Variants in RIMS2 observed in about 807,000 individuals in gnomAD.
RIMS2 encodes the protein regulating synaptic membrane exocytosis protein 2.
In RIMS2, 59 loss-of-function variants were observed where a neutral mutation model predicts 174.4. The observed-to-expected ratio is 0.34, with a 90% confidence interval of 0.27 to 0.42. The LOEUF is 0.42. RIMS2 is among the 10% of genes least tolerant of loss of function. The pLI, the probability that RIMS2 is intolerant of heterozygous loss-of-function variation, is 1.00. For synonymous variants in RIMS2, 606 were observed against 572.5 expected, an observed-to-expected ratio of 1.06 and a Z score of -0.84; for missense variants, 1,620 against 1,666.3, an observed-to-expected ratio of 0.97 and a Z score of 0.48.
chr8:103,993,929 TA>T (rs2094896933), intron 17 of RIMS2, among the ~76,000 whole-genome samples: 1 of 151,546 alleles, frequency 6.6e-6, no homozygotes, highest in South Asian at 2.1e-4. Context: ...ACCTTTTTTT[TA>T]TTCCAGCTAC....
intron 1 of RIMS2, among the ~76,000 whole-genome samples, chr8:103,675,719 C>G (rs2136495488): frequency 6.6e-6 from 1 of 151,716 alleles, no homozygotes; most frequent in East Asian, 1.9e-4. Flanking sequence ...TTTTTTTTAC[C>G]AACAATTTTA....
At chr8:103,809,488 T>A (rs921649850) in intron 3 of RIMS2, among the ~76,000 whole-genome samples, 1 of 151,958 alleles carries the variant, frequency 6.6e-6, no homozygotes, top group Non-Finnish European at 1.5e-5. Context: ...TCTTCTTCCC[T>A]CCTCCCTCCA....
chr8:103,948,839 T>G (rs1334941136), intron 14 of RIMS2, among the ~76,000 whole-genome samples: 3 of 151,756 alleles, frequency 2.0e-5, no homozygotes, highest in African/African-American at 7.3e-5. Context: ...TCAATTTTAG[T>G]CAAAGCCAGG....
At chr8:104,003,391 T>C (rs533320290) in intron 17 of RIMS2, among the ~76,000 whole-genome samples, 5 of 151,818 alleles carry the variant, frequency 3.3e-5, no homozygotes, top group South Asian at 4.1e-4. Flanking sequence ...TCTGGAATGA[T>C]AGAGAGTGTT....
At chr8:103,723,002 C>T (rs1221685405) in intron 2 of RIMS2, among the ~76,000 whole-genome samples, 1 of 152,140 alleles carries the variant, frequency 6.6e-6, no homozygotes, top group Non-Finnish European at 1.5e-5. Flanking sequence ...ATCCCAGCTA[C>T]TTGGGAGGCT....
intron 1 of RIMS2, among the ~76,000 whole-genome samples, chr8:103,503,336 T>A (rs1432029465): frequency 2.0e-5 from 3 of 151,928 alleles, no homozygotes; most frequent in African/African-American, 7.2e-5. Context: ...ATGAAATGAA[T>A]AGACTTTATA....
At chr8:103,909,824 A>G (rs963569136) in intron 4 of RIMS2, among the ~76,000 whole-genome samples, 1 of 152,016 alleles carries the variant, frequency 6.6e-6, no homozygotes, top group African/African-American at 2.4e-5. Flanking sequence ...TTCAGCATAT[A>G]CATTTTTTGT....
At chr8:103,955,994 A>T (rs2087059910) in intron 14 of RIMS2, among the ~76,000 whole-genome samples, 1 of 152,190 alleles carries the variant, frequency 6.6e-6, no homozygotes, top group East Asian at 1.9e-4. Context: ...GTGAAATCCC[A>T]TTCACAATTG....
intron 14 of RIMS2, among the ~76,000 whole-genome samples, chr8:103,947,212 AC>A (rs988653185): frequency 6.6e-6 from 1 of 152,222 alleles, no homozygotes; most frequent in Non-Finnish European, 1.5e-5. Context: ...TCCCCAAAAC[AC>A]CACCAAAAGC....
At chr8:103,989,549 C>T (rs72683127) in intron 17 of RIMS2, 128 bp downstream of exon 19, 80,576 of 540,938 alleles carry the variant, frequency 0.15, 7,466 homozygotes, top group Non-Finnish European at 0.19. Flanking sequence ...TCTCTTACAA[C>T]GCTTACATTA....
Position 103,876,864 on chromosome 8 carries a change from TTATATATATA to T in RIMS2, c.699-8397_699-8388del, listed in dbSNP as rs199997824. The stretch of plus-strand genomic sequence containing the variant: ...TGTATATATACACACACACACTATT[TTATATATATA>T]TATATATATATATATATATATATAT... On this transcript the variant is annotated intron_variant, in intron 3 of 23. Transcript: ENST00000504942. Among the ~76,000 whole-genome samples the T allele has an allele frequency of 7.5e-3, 508 of 68,048 alleles. 9 individuals are homozygous for T. Among genetic ancestry groups the T allele is most frequent in the African/African-American group, 0.018 (377 of 21,456 alleles). 44.6% of individuals were successfully genotyped at this position (68,048 alleles called of 152,430 possible).
At chr8:103,997,322 CTT>C (rs2095167271) in intron 17 of RIMS2, among the ~76,000 whole-genome samples, 1 of 151,716 alleles carries the variant, frequency 6.6e-6, no homozygotes, top group Non-Finnish European at 1.5e-5. Context: ...AGAGGCATCT[CTT>C]TTGGTGCAGA....
chr8:103,767,937 T>C (rs1245585730), intron 3 of RIMS2, among the ~76,000 whole-genome samples: 13 of 152,220 alleles, frequency 8.5e-5, no homozygotes, highest in Non-Finnish European at 1.0e-4. Context: ...CTCTCCTTTA[T>C]TGTTGGTCCA....
chr8:104,123,351 T>C (rs1371332486), intron 19 of RIMS2, among the ~76,000 whole-genome samples: 1 of 152,016 alleles, frequency 6.6e-6, no homozygotes, highest in Non-Finnish European at 1.5e-5. Flanking sequence ...AAAAATCATC[T>C]ATATCTTTTA....
chr8:103,745,516 A>G (rs914568534), intron 2 of RIMS2, among the ~76,000 whole-genome samples: 2 of 152,200 alleles, frequency 1.3e-5, no homozygotes, highest in South Asian at 2.1e-4. Flanking sequence ...TGATAATTCT[A>G]TGTTTAAGTT....
chr8:103,581,152 C>G (rs973174516), intron 1 of RIMS2, among the ~76,000 whole-genome samples: 2 of 152,052 alleles, frequency 1.3e-5, no homozygotes, highest in Admixed American at 1.3e-4. Context: ...TTCTACTAGG[C>G]AAGCATTACC....
intron 17 of RIMS2, among the ~76,000 whole-genome samples, chr8:103,993,495 A>G (rs2094864072): frequency 6.6e-6 from 1 of 152,218 alleles, no homozygotes; most frequent in Admixed American, 6.5e-5. Flanking sequence ...ACTCGTACTC[A>G]TAACTATTTC....
At chr8:104,210,786 A>T (rs1009148832) in intron 19 of RIMS2, among the ~76,000 whole-genome samples, 3 of 152,198 alleles carry the variant, frequency 2.0e-5, no homozygotes. Context: ...ACAGAAATTG[A>T]CCTGTCAAGA....
intron 3 of RIMS2, among the ~76,000 whole-genome samples, chr8:103,881,873 A>G (rs2099168857): frequency 6.6e-6 from 1 of 151,536 alleles, no homozygotes. Context: ...TATTAGGTAA[A>G]TATAAAGTGA....
Sources: gnomAD v4.1 joint callset for allele counts (sites outside exome capture counted in the v4.1 genomes callset) on GRCh38, gnomAD v4.1.1 for gene constraint, MANE v1.5 for transcripts, NCBI Gene and HGNC (gene_info 2026-07-23, HGNC 2026-07-21) for gene names.